GABRR2: variants seen among roughly 807,000 people sequenced by gnomAD.
GABRR2 encodes the protein gamma-aminobutyric acid type A receptor subunit rho2, also known as gamma-aminobutyric acid receptor subunit rho-2.
A neutral mutation model predicts 47.0 loss-of-function variants in GABRR2; 36 were observed. That is an observed-to-expected ratio of 0.77 (90% CI 0.59 to 1.01). The LOEUF (loss-of-function observed/expected upper bound fraction) is 1.01, where lower values mean the gene tolerates loss of function less well. Among genes scored for constraint, GABRR2 ranks in the 50% least tolerant of loss-of-function variants. The pLI, the probability that GABRR2 is intolerant of heterozygous loss-of-function variation, is 0.00. For synonymous variants in GABRR2, 204 were observed against 227.5 expected (o/e 0.90, Z 0.93); for missense variants, 587 against 594.6 (o/e 0.99, Z 0.13).
At chr6:89,289,249 G>A (rs1166837875) in intron 2 of GABRR2, among the ~76,000 whole-genome samples, 2 of 152,182 alleles carry the variant, frequency 1.3e-5, no homozygotes, top group Non-Finnish European at 2.9e-5. Flanking sequence ...GTAAGCAGAG[G>A]AGGCAGTGGG....
intron 2 of GABRR2, among the ~76,000 whole-genome samples, chr6:89,286,051 C>T (rs375599730): frequency 6.6e-6 from 1 of 152,018 alleles, no homozygotes; most frequent in Non-Finnish European, 1.5e-5. Context: ...CACCCTAAAG[C>T]CAATGACAGT....
intron 2 of GABRR2, among the ~76,000 whole-genome samples, chr6:89,296,084 C>G (rs1265441882): frequency 6.6e-6 from 1 of 152,190 alleles, no homozygotes; most frequent in Admixed American, 6.5e-5. Context: ...GGGAATGAGA[C>G]ACCTTCTATA....
chr6:89,269,183 C>T lies in GABRR2; in HGVS notation c.340G>A (p.Ala114Thr), dbSNP rs1223210353. 1.2e-6 allele frequency: 2 copies of T among 1,614,068 alleles called. No homozygotes were observed. Among genetic ancestry groups the T allele is most frequent in the African/African-American group, 1.3e-5 (1 of 75,064 alleles). ...LRHYWKDERL[A>T]FSSASNKSMT... ...CTCTTGTTGCTGGCGCTGGAGAAAG[C>T]TAGCCTCTCATCCTTCCAGTAATGC... The change falls in exon 4 of 9, where the codon GCT becomes ACT. Residue 114 changes from alanine (A) to threonine (T), a missense_variant. Coordinates refer to ENST00000402938, the MANE Select transcript of GABRR2 (RefSeq NM_002043.5).
intron 2 of GABRR2, among the ~76,000 whole-genome samples, chr6:89,290,478 C>A (rs1167111931): frequency 6.6e-6 from 1 of 152,224 alleles, no homozygotes; most frequent in Non-Finnish European, 1.5e-5. Context: ...CATGCACAGG[C>A]CCTGGAGGCA....
At chr6:89,303,237 G>T (rs924380740) in intron 1 of GABRR2, 3 of 363,104 alleles carry the variant, frequency 8.3e-6, no homozygotes, top group East Asian at 1.4e-4. Context: ...TGTCACTCAC[G>T]CTAGGGCTCC....
At chr6:89,302,124 C>T (rs1767452869) in intron 1 of GABRR2, 4 of 607,448 alleles carry the variant, frequency 6.6e-6, no homozygotes, top group Non-Finnish European at 3.2e-6. Flanking sequence ...CTGGTGGATT[C>T]CCTCCTGGAT....
At chr6:89,267,576 A>T in intron 6 of GABRR2, 103 bp downstream of exon 6, 1 of 1,224,810 alleles carries the variant, frequency 8.2e-7, no homozygotes, top group Non-Finnish European at 1.1e-6. Flanking sequence ...CAAAACAAAA[A>T]ACAAAACACA....
chr6:89,304,276 T>C (rs986103345), intron 1 of GABRR2, among the ~76,000 whole-genome samples: 3 of 152,166 alleles, frequency 2.0e-5, no homozygotes, highest in African/African-American at 7.2e-5. Context: ...CATTAAAAAG[T>C]AGGCAAAAAG....
chr6:89,266,865 G>T (rs1384738047), intron 6 of GABRR2, among the ~76,000 whole-genome samples: 2 of 152,068 alleles, frequency 1.3e-5, no homozygotes, highest in Admixed American at 6.6e-5. Flanking sequence ...CTATTGCCCA[G>T]GCTGGAGTGC....
At chr6:89,294,707 T>G (rs1298032960) in intron 2 of GABRR2, among the ~76,000 whole-genome samples, 1 of 151,586 alleles carries the variant, frequency 6.6e-6, no homozygotes. Flanking sequence ...TTGTTACATA[T>G]GTATACATGT....
At chr6:89,284,238 A>G (rs974747673) in intron 2 of GABRR2, among the ~76,000 whole-genome samples, 7 of 152,160 alleles carry the variant, frequency 4.6e-5, no homozygotes, top group African/African-American at 1.7e-4. Flanking sequence ...CTCGATCTGC[A>G]TAGTGTTTTC....
At chr6:89,282,720 A>C (rs1268414732) in intron 2 of GABRR2, among the ~76,000 whole-genome samples, 1 of 152,240 alleles carries the variant, frequency 6.6e-6, no homozygotes, top group East Asian at 1.9e-4. Flanking sequence ...GCCCACCACC[A>C]GGCCCACAGA....
intron 2 of GABRR2, among the ~76,000 whole-genome samples, chr6:89,272,455 G>A (rs937996315): frequency 1.3e-5 from 2 of 152,264 alleles, no homozygotes; most frequent in African/African-American, 2.4e-5. Flanking sequence ...CACTTTAGGA[G>A]AATGTAGTGA....
At chr6:89,259,648 T>A (rs1773695191) in intron 8 of GABRR2, among the ~76,000 whole-genome samples, 1 of 151,170 alleles carries the variant, frequency 6.6e-6, no homozygotes, top group South Asian at 2.1e-4. Flanking sequence ...GGATTACAGG[T>A]GCCCACCACC....
intron 2 of GABRR2, among the ~76,000 whole-genome samples, chr6:89,285,589 GGCCTGA>G: frequency 6.6e-6 from 1 of 152,212 alleles, no homozygotes; most frequent in Non-Finnish European, 1.5e-5. Context: ...CTCCTCCCCA[GGCCTGA>G]TGAATCAGAC....
At chr6:89,267,402 C>CA (rs756534746) in intron 6 of GABRR2, among the ~76,000 whole-genome samples, 1 of 151,638 alleles carries the variant, frequency 6.6e-6, no homozygotes. Context: ...CTCATCTCTA[C>CA]AAAAAAATTT....
At chr6:89,302,831 C>T (rs2127848401) in intron 1 of GABRR2, 2 of 1,388,984 alleles carry the variant, frequency 1.4e-6, no homozygotes, top group South Asian at 2.3e-5. Flanking sequence ...TGTGTGACAT[C>T]CCACCCCCCA....
At chr6:89,310,473 C>A (rs1023162958) in intron 1 of GABRR2, among the ~76,000 whole-genome samples, 10 of 152,154 alleles carry the variant, frequency 6.6e-5, no homozygotes, top group African/African-American at 2.4e-4. Context: ...ATGTCAGTGT[C>A]CCCAGGACCT....
At chr6:89,282,876 C>T (rs1774273293) in intron 2 of GABRR2, among the ~76,000 whole-genome samples, 1 of 152,250 alleles carries the variant, frequency 6.6e-6, no homozygotes, top group African/African-American at 2.4e-5. Flanking sequence ...CCTCCCATTC[C>T]CACGATACTG....
Sources: gnomAD v4.1 joint callset for allele counts (sites outside exome capture counted in the v4.1 genomes callset) on GRCh38, gnomAD v4.1.1 for gene constraint, MANE v1.5 for transcripts, NCBI Gene and HGNC (gene_info 2026-07-23, HGNC 2026-07-21) for gene names.